The following LIPA variants were observed in gnomAD, a reference collection of about 807,000 sequenced individuals.
The protein encoded by LIPA is lysosomal acid lipase/cholesteryl ester hydrolase.
Under a neutral mutation model 40.6 loss-of-function variants are expected in LIPA, and 26 were observed. The observed-to-expected ratio is 0.64, with a 90% CI of 0.47 to 0.89. The LOEUF is 0.89. LIPA is among the 40% of genes least tolerant of loss of function. The pLI is 0.00. For missense variants in LIPA, 455 were observed against 479.6 expected (o/e 0.95, Z 0.48); for synonymous variants, 188 against 168.4 (o/e 1.12, Z -0.90).
chr10:89,326,139 C>T (rs186873928), intron 1 of LIPA, among the ~76,000 whole-genome samples: 21 of 152,268 alleles, frequency 1.4e-4, no homozygotes, highest in African/African-American at 5.1e-4. Flanking sequence ...TCTGCACTCC[C>T]ATGTTTATTG....
In LIPA at chr10:89,215,934, T is replaced by C; in HGVS notation, c.966+4A>G. 6.2e-7 allele frequency: 1 copy of C among 1,601,426 alleles called. No homozygotes were observed. Among genetic ancestry groups the C allele is most frequent in the Non-Finnish European group, 8.6e-7 (1 of 1,168,444 alleles). On this transcript the variant is annotated splice_donor_region_variant and intron_variant, in intron 9 of 9. Coordinates refer to ENST00000336233, the MANE Select transcript of LIPA (RefSeq NM_000235.4). ...CCCTTTAATGAAAAGACTAAAAACT[T>C]TACCTGGTTGTAATGAAAATAATTC...
intron 1 of LIPA, among the ~76,000 whole-genome samples, chr10:89,315,172 C>T (rs1457248930): frequency 6.6e-6 from 1 of 152,076 alleles, no homozygotes; most frequent in Non-Finnish European, 1.5e-5. Context: ...TATATGGGAC[C>T]CTCTAAAGCA....
At chr10:89,356,535 C>T (rs1843989274) in intron 2 of LIPA, among the ~76,000 whole-genome samples, 1 of 152,096 alleles carries the variant, frequency 6.6e-6, no homozygotes, top group Non-Finnish European at 1.5e-5. Context: ...AGCACGAACC[C>T]TATTGTGAAC....
intron 8 of LIPA, among the ~76,000 whole-genome samples, chr10:89,218,647 T>C (rs1006301068): frequency 6.6e-6 from 1 of 152,064 alleles, no homozygotes; most frequent in African/African-American, 2.4e-5. Context: ...TGCCTTCCTG[T>C]GAGTTGGAAG....
intron 1 of LIPA, among the ~76,000 whole-genome samples, chr10:89,266,570 A>G (rs1843237575): frequency 6.6e-6 from 1 of 152,240 alleles, no homozygotes; most frequent in Admixed American, 6.5e-5. Context: ...AATATTATGT[A>G]TATGCAAATA....
At chr10:89,309,059 A>T (rs1023536267) in intron 1 of LIPA, 1 of 152,222 alleles carries the variant, frequency 6.6e-6, no homozygotes, top group Non-Finnish European at 1.5e-5. Context: ...TCACCTGAAC[A>T]GAACAAAACT....
At chr10:89,403,802 T>C (rs1187763994) in intron 2 of LIPA, 2 of 706,898 alleles carry the variant, frequency 2.8e-6, no homozygotes, top group East Asian at 2.6e-5. Flanking sequence ...TCAGAAACAT[T>C]ATAATTCACT....
intron 2 of LIPA, among the ~76,000 whole-genome samples, chr10:89,396,860 G>A (rs1030954898): frequency 6.6e-6 from 1 of 152,162 alleles, no homozygotes; most frequent in African/African-American, 2.4e-5. Flanking sequence ...GTGTTTGCTA[G>A]TCCTTTGTGA....
At chr10:89,321,887 C>G (rs1353186598) in intron 1 of LIPA, among the ~76,000 whole-genome samples, 1 of 151,784 alleles carries the variant, frequency 6.6e-6, no homozygotes, top group African/African-American at 2.4e-5. Flanking sequence ...TACTATGCAG[C>G]CATAAAAAAG....
chr10:89,220,023 C>A (rs375415942), intron 8 of LIPA, among the ~76,000 whole-genome samples: 22 of 152,342 alleles, frequency 1.4e-4, no homozygotes, highest in African/African-American at 5.3e-4. Flanking sequence ...AGGGCTGGAA[C>A]AAGACCAGTA....
chr10:89,310,697 A>G (rs888162475), intron 1 of LIPA, among the ~76,000 whole-genome samples: 4 of 152,172 alleles, frequency 2.6e-5, no homozygotes, highest in Admixed American at 2.0e-4. Context: ...GCCTCCCTTC[A>G]GCTGCTTTAC....
At chr10:89,413,625 G>A (rs1170219813) in intron 1 of LIPA, among the ~76,000 whole-genome samples, 5 of 152,008 alleles carry the variant, frequency 3.3e-5, no homozygotes, top group South Asian at 2.1e-4. Context: ...TAATTAGCCC[G>A]ACATAGTGGT....
chr10:89,300,930 C>T (rs898098645), intron 1 of LIPA, among the ~76,000 whole-genome samples: 10 of 152,110 alleles, frequency 6.6e-5, no homozygotes, highest in Admixed American at 5.2e-4. Context: ...TTGCAGTAAG[C>T]CAGGATCTTT....
At chr10:89,244,146 C>T (rs12240489) in intron 3 of LIPA, among the ~76,000 whole-genome samples, 9,859 of 151,914 alleles carry the variant, frequency 0.065, 361 homozygotes, top group Middle Eastern at 0.16. Context: ...ATCTGTAAAG[C>T]ATAAAAATCT....
chr10:89,346,881 T>C (rs540234158), upstream of LIPA, among the ~76,000 whole-genome samples: 277 of 152,308 alleles, frequency 1.8e-3, 2 homozygotes, highest in African/African-American at 6.4e-3. Flanking sequence ...GAAATCCTCA[T>C]AGGAAATTGC....
upstream of LIPA, among the ~76,000 whole-genome samples, chr10:89,343,603 G>T (rs1442190192): frequency 6.6e-6 from 1 of 152,178 alleles, no homozygotes; most frequent in Non-Finnish European, 1.5e-5. Context: ...TCAGTTCAAA[G>T]TACTCAGCAC....
chr10:89,370,029 CT>C (rs1844082747), intron 2 of LIPA, among the ~76,000 whole-genome samples: 1 of 152,292 alleles, frequency 6.6e-6, no homozygotes, highest in African/African-American at 2.4e-5. Context: ...CCCCCAGCAT[CT>C]GACACTGCAG....
intron 3 of LIPA, among the ~76,000 whole-genome samples, chr10:89,233,627 C>T (rs754628964): frequency 3.3e-5 from 5 of 152,146 alleles, no homozygotes; most frequent in Admixed American, 6.5e-5. Context: ...AGGCCGGGCA[C>T]GGTGGCTCAC....
chr10:89,345,437 G>A (rs542640663), upstream of LIPA, among the ~76,000 whole-genome samples: 242 of 152,050 alleles, frequency 1.6e-3, no homozygotes, highest in Admixed American at 3.2e-3. Flanking sequence ...GCTGAGGCAG[G>A]AGAATCTCTT....
Sources: gnomAD v4.1 joint callset for allele counts (sites outside exome capture counted in the v4.1 genomes callset) on GRCh38, gnomAD v4.1.1 for gene constraint, MANE v1.5 for transcripts, NCBI Gene and HGNC (gene_info 2026-07-23, HGNC 2026-07-21) for gene names.